The following FCGR2B variants were observed in gnomAD, a reference collection of about 807,000 sequenced individuals.
FCGR2B encodes low affinity immunoglobulin gamma Fc region receptor II-b.
FCGR2B carries 18 observed loss-of-function variants against 24.8 expected under a neutral mutation model. The observed-to-expected ratio is 0.73, with a 90% CI of 0.50 to 1.08. The LOEUF is 1.08. Among genes scored for constraint, FCGR2B ranks in the 50% least tolerant of loss-of-function variants. FCGR2B has a pLI of 0.00. For missense variants in FCGR2B, 215 were observed against 297.6 expected (o/e 0.72, Z 2.04); for synonymous variants, 79 against 109.8 (o/e 0.72, Z 1.75).
upstream of FCGR2B, among the ~76,000 whole-genome samples, chr1:161,661,360 C>T (rs1199556815): frequency 3.0e-5 from 4 of 132,188 alleles, no homozygotes; most frequent in Admixed American, 2.9e-4. Context: ...TGCCAATTTA[C>T]CGAGAGCAAG....
Position 161,671,531 on chromosome 1 carries a change from T to A in FCGR2B, c.273T>A (p.Ile91=). ...SIQWFHNGNL[I]PTHTQPSYRF... ...AGTGGTTCCACAATGGGAATCTCAT[T>A]CCCACCCACACGCAGCCCAGCTACA... The change falls in exon 3 of 8, where the codon ATT becomes ATA. Residue 91 remains isoleucine, a synonymous_variant. Transcript: ENST00000358671. The A allele has an allele frequency of 6.2e-7, 1 of 1,614,134 alleles. No homozygotes were observed. Among genetic ancestry groups the A allele is most frequent in the Admixed American group, 1.7e-5 (1 of 60,016 alleles).
In FCGR2B at chr1:161,671,478, A is replaced by G. The variant is rs1356490697; in HGVS notation, c.220A>G (p.Thr74Ala). 8 of 1,613,934 alleles carry G rather than the reference A, an allele frequency of 5.0e-6. No individual in the cohort carries two copies. Among genetic ancestry groups the G allele is most frequent in the Middle Eastern group, 1.7e-4 (1 of 6,056 alleles). ...CTCTGTGACTCTGACATGCCGGGGG[A>G]CTCACAGCCCTGAGAGCGACTCCAT... ...EDSVTLTCRG[T>A]HSPESDSIQW... The change falls in exon 3 of 8, where the codon ACT becomes GCT. Residue 74 changes from threonine (T) to alanine (A), a missense_variant. Coordinates refer to ENST00000358671, the MANE Select transcript of FCGR2B (RefSeq NM_001394477.1).
chr1:161,676,013 C>G (rs1463734868), intron 6 of FCGR2B: 1 of 232,048 alleles, frequency 4.3e-6, no homozygotes, highest in South Asian at 1.8e-4. Context: ...GAGTGGGTGG[C>G]CAGGGTGACC....
chr1:161,676,076 G>C, intron 6 of FCGR2B: 1 of 231,304 alleles, frequency 4.3e-6, no homozygotes, highest in Non-Finnish European at 8.6e-6. Flanking sequence ...CCCAAGCCCT[G>C]GCCCAGGTGG....
At chr1:161,671,359 T>A (rs2102659891) in intron 2 of FCGR2B, 33 bp from the exon 3 acceptor site, 2 of 1,614,170 alleles carry the variant, frequency 1.2e-6, no homozygotes, top group East Asian at 4.5e-5. Flanking sequence ...GGGCTTCCTC[T>A]TCTTCATGCT....
At chr1:161,676,269 G>T (rs1682122873) in intron 6 of FCGR2B, 1 of 212,058 alleles carries the variant, frequency 4.7e-6, no homozygotes, top group Admixed American at 5.9e-5. Flanking sequence ...AGAGCCAACA[G>T]ATTTAAGAGC....
the FCGR2B span, among the ~76,000 whole-genome samples, chr1:161,648,863 A>T: frequency 1.3e-4 from 20 of 150,608 alleles, 1 homozygote; most frequent in South Asian, 2.1e-4. Flanking sequence ...CTAATTTTTT[A>T]ATTTTTATTT....
intron 6 of FCGR2B, chr1:161,677,006 C>A: frequency 4.6e-6 from 2 of 431,540 alleles, no homozygotes; most frequent in Non-Finnish European, 8.2e-6. Flanking sequence ...CACCCCCCTC[C>A]CCCACCTCTT....
Position 161,673,134 on chromosome 1 carries a change from C to T in FCGR2B, c.551C>T (p.Pro184Leu), listed in dbSNP as rs1681829207. Reference protein sequence around the residue: ...FSRSDPNFSIPQANHSHSGDY... With the variant: ...FSRSDPNFSILQANHSHSGDY... Reference sequence around the variant, plus strand: ...CGTTCGGATCCCAACTTCTCCATCCCACAAGCAAACCACAGTCACAGTGGT... The same window carrying T: ...CGTTCGGATCCCAACTTCTCCATCCTACAAGCAAACCACAGTCACAGTGGT... The change falls in exon 4 of 8, where the codon CCA becomes CTA. Residue 184 changes from proline to leucine, a missense_variant. By Grantham distance (98) the Pro-to-Leu change is moderately conservative (BLOSUM62 -3). Transcript: ENST00000358671. The T allele has an allele frequency of 6.2e-7, 1 of 1,612,340 alleles. No homozygotes were observed. Among genetic ancestry groups the T allele is most frequent in the Non-Finnish European group, 8.5e-7 (1 of 1,179,110 alleles).
the FCGR2B span, among the ~76,000 whole-genome samples, chr1:161,647,436 G>C: frequency 1.3e-5 from 2 of 150,168 alleles, no homozygotes; most frequent in Non-Finnish European, 3.0e-5. Context: ...GAGTAGCTGG[G>C]ACTACAGGCA....
At chr1:161,677,389 C>A (rs781679180) in intron 7 of FCGR2B, 24 bp downstream of exon 7, 1 of 1,612,836 alleles carries the variant, frequency 6.2e-7, no homozygotes, top group Admixed American at 1.7e-5. Flanking sequence ...GCCATCTCCC[C>A]CTCCCTTCTC....
the FCGR2B span, among the ~76,000 whole-genome samples, chr1:161,649,550 C>G: frequency 4.7e-3 from 710 of 150,624 alleles, 56 homozygotes; most frequent in East Asian, 0.12. Context: ...TTTTGAAAAC[C>G]CTATGAAAGA....
At chr1:161,671,924 C>G (rs1231271743) in intron 3 of FCGR2B, 3 of 571,650 alleles carry the variant, frequency 5.2e-6, no homozygotes, top group Non-Finnish European at 6.2e-6. Flanking sequence ...TTGAAAAGCA[C>G]AGACCACAAC....
At chr1:161,652,911 G>A in the FCGR2B span, among the ~76,000 whole-genome samples, 58 of 134,132 alleles carry the variant, frequency 4.3e-4, 9 homozygotes, top group Non-Finnish European at 8.2e-4. Context: ...AAGAGACACC[G>A]GTATTCCCGG....
the FCGR2B span, among the ~76,000 whole-genome samples, chr1:161,652,002 CTCTA>C: frequency 2.4e-4 from 28 of 114,440 alleles, 2 homozygotes; most frequent in Admixed American, 9.9e-4. Flanking sequence ...TTTAATAATG[CTCTA>C]TCTGTGATTT....
intron 2 of FCGR2B, 56 bp from the exon 3 acceptor site, chr1:161,671,336 C>G: frequency 6.2e-7 from 1 of 1,613,562 alleles, no homozygotes; most frequent in South Asian, 1.1e-5. Context: ...GATTCAGGGC[C>G]TCTCAAGCTC....
At chr1:161,653,610 A>T in the FCGR2B span, among the ~76,000 whole-genome samples, 1 of 143,098 alleles carries the variant, frequency 7.0e-6, no homozygotes, top group Middle Eastern at 3.6e-3. Context: ...CAAGATTGAA[A>T]CTGCATTCAT....
rs766734112 is a variant in FCGR2B at position 161,673,459 on chromosome 1, T to C, written c.646+230T>C. On this transcript the variant is annotated intron_variant, in intron 4 of 7. Coordinates refer to ENST00000358671, the MANE Select transcript of FCGR2B (RefSeq NM_001394477.1). ...ACCAGGCTGTTGTTCCACTTTGAAA[T>C]GCAGGCCCCAGACTAAGGACGGCAG... The C allele has an allele frequency of 6.7e-6, 5 of 742,418 alleles. No individual in the cohort carries two copies. In the Admixed American group the frequency reaches 8.8e-5, roughly 13 times the overall value. The allele number at this position is 742,418 out of a possible 1,614,324, so 46.0% of individuals were successfully genotyped here. A position where few individuals can be genotyped will look rare whatever the true frequency, so the allele number is the denominator to read the frequency against.
In FCGR2B at chr1:161,675,041, T is replaced by G. The variant is rs1681993801; in HGVS notation, c.761-216T>G. 4.4e-5 allele frequency: 23 copies of G among 526,312 alleles called. No individual in the cohort carries two copies. In the South Asian group the frequency reaches 6.4e-4, roughly 15 times the overall value. 32.6% of individuals were successfully genotyped at this position (526,312 alleles called of 1,614,324 possible). On this transcript the variant is annotated intron_variant, in intron 5 of 7. Coordinates refer to ENST00000358671, the MANE Select transcript of FCGR2B (RefSeq NM_001394477.1). Reference sequence around the variant, plus strand: ...CATGGCGTGGACTTTCTGACACTCCTGGGCATCCCCATGGGTGAGCTGAAT... The same window carrying G: ...CATGGCGTGGACTTTCTGACACTCCGGGGCATCCCCATGGGTGAGCTGAAT...
Sources: gnomAD v4.1 joint callset for allele counts (sites outside exome capture counted in the v4.1 genomes callset) on GRCh38, gnomAD v4.1.1 for gene constraint, MANE v1.5 for transcripts, NCBI Gene and HGNC (gene_info 2026-07-23, HGNC 2026-07-21) for gene names.